Variants in DCTD observed in about 807,000 individuals in gnomAD.
DCTD encodes the protein dCMP deaminase.
Under a neutral mutation model 21.0 loss-of-function variants are expected in DCTD, and 23 were observed. That is an observed-to-expected ratio of 1.09 (90% CI 0.79 to 1.55). The LOEUF (loss-of-function observed/expected upper bound fraction) is 1.55. Among genes scored for constraint, DCTD ranks in the 40% most tolerant of loss-of-function variants. DCTD has a pLI of 0.00. For synonymous variants in DCTD, 71 were observed against 81.1 expected (o/e 0.88, Z 0.67); for missense variants, 224 against 230.0 (o/e 0.97, Z 0.17).
chr4:182,916,270 T>A (rs1015830089), intron 1 of DCTD: 58 of 579,350 alleles, frequency 1.0e-4, no homozygotes, highest in Middle Eastern at 8.5e-4. Flanking sequence ...AGCAAGGTTT[T>A]TGGAACGTAG....
At chr4:182,916,788 T>C (rs1738819477) in intron 1 of DCTD, 2 of 1,126,312 alleles carry the variant, frequency 1.8e-6, no homozygotes, top group Admixed American at 3.6e-5. Flanking sequence ...AAGGGTCCTG[T>C]TAATCCCCTG....
At chr4:182,911,549 A>T (rs931947415) in intron 3 of DCTD, 3 of 152,222 alleles carry the variant, frequency 2.0e-5, no homozygotes, top group African/African-American at 7.2e-5. Context: ...GTACAGCTGA[A>T]TTCATGTGCC....
chr4:182,902,645 T>C (rs1735945532), intron 3 of DCTD, among the ~76,000 whole-genome samples: 1 of 152,188 alleles, frequency 6.6e-6, no homozygotes, highest in African/African-American at 2.4e-5. Context: ...AATAAAACAG[T>C]TTAAAACTTT....
chr4:182,905,389 C>T (rs1290392014), intron 3 of DCTD, among the ~76,000 whole-genome samples: 1 of 147,306 alleles, frequency 6.8e-6, no homozygotes, highest in African/African-American at 2.5e-5. Flanking sequence ...AGTGCAATGG[C>T]GCGATCTCGG....
intron 3 of DCTD, 98 bp downstream of exon 3, chr4:182,914,825 G>T: frequency 7.2e-7 from 1 of 1,381,284 alleles, no homozygotes; most frequent in Non-Finnish European, 1.0e-6. Flanking sequence ...TCCAGTTGTT[G>T]ATGACAAAAG....
At chr4:182,898,659 C>T (rs1044960192) in intron 3 of DCTD, among the ~76,000 whole-genome samples, 3 of 152,138 alleles carry the variant, frequency 2.0e-5, no homozygotes, top group African/African-American at 4.8e-5. Flanking sequence ...TCTCTCTGCT[C>T]GTTTTTCTTC....
At chr4:182,895,302 CG>C (rs1734545374) in intron 3 of DCTD, among the ~76,000 whole-genome samples, 2 of 152,108 alleles carry the variant, frequency 1.3e-5, no homozygotes, top group Non-Finnish European at 2.9e-5. Flanking sequence ...AAATCCTGGC[CG>C]TAAGTGATCT....
At position 182,896,610 on chromosome 4, in the gene DCTD, G is replaced by GC. The variant is rs1425735910; in HGVS notation, c.245-2006dup. Among the ~76,000 whole-genome samples, 6 of 152,270 alleles carry GC rather than the reference G, an allele frequency of 3.9e-5. No homozygotes were observed. In the East Asian group the frequency reaches 9.7e-4, roughly 25 times the overall value. ...GGAAAGACAAGAGAAGGGTGCGAGG[G>GC]CCCGGGCTTGGGAAGGCACAAGGTA... On this transcript the variant is annotated intron_variant, in intron 3 of 5. Coordinates refer to ENST00000438320, the MANE Select transcript of DCTD (RefSeq NM_001921.3).
intron 3 of DCTD, among the ~76,000 whole-genome samples, chr4:182,896,528 CAGAGCCATGCCCCG>C (rs1362209823): frequency 6.6e-6 from 1 of 152,188 alleles, no homozygotes; most frequent in East Asian, 1.9e-4. Context: ...CCAGAGTGAC[CAGAGCCATGCCCCG>C]AGACTTGCAG....
Position 182,915,508 on chromosome 4 carries a change from C to G in DCTD, c.61G>C (p.Ala21Pro). Reference sequence around the variant, plus strand: ...CTCTGTGCTGATAAGAAGGCCACAGCCATAAAATACTCTGGCCATTCCAAA... The same window carrying G: ...CTCTGTGCTGATAAGAAGGCCACAGGCATAAAATACTCTGGCCATTCCAAA... The part of the protein sequence containing the change: ...DYLEWPEYFM[A>P]VAFLSAQRSK... The change falls in exon 2 of 6, where the codon GCT becomes CCT. Residue 21 changes from alanine to proline, a missense_variant. Physicochemically the swap from Ala to Pro is conservative, Grantham distance 27. Coordinates refer to ENST00000438320, the MANE Select transcript of DCTD (RefSeq NM_001921.3). 1 of 1,613,820 alleles carries G rather than the reference C, an allele frequency of 6.2e-7. No homozygotes were observed. Among genetic ancestry groups the G allele is most frequent in the Non-Finnish European group, 8.5e-7 (1 of 1,179,700 alleles).
intron 4 of DCTD, among the ~76,000 whole-genome samples, chr4:182,893,945 G>T (rs1330238628): frequency 6.6e-6 from 1 of 152,234 alleles, no homozygotes. Flanking sequence ...CTGAATCTTA[G>T]ATGTGACAGT....
chr4:182,917,201 C>T lies in DCTD; in HGVS notation c.-8+110G>A. The stretch of plus-strand genomic sequence containing the variant: ...GAGGCGCCCCCAGCGTCCGCGGCCC[C>T]AGGCCCCCGCCCGGCAGCCAGCGCC... On this transcript the variant is annotated intron_variant, in intron 1 of 5. Coordinates refer to ENST00000438320, the MANE Select transcript of DCTD (RefSeq NM_001921.3). The surrounding 1 kb of genome is among the most constrained non-coding windows in gnomAD (Gnocchi z 4.9). 1.0e-6 allele frequency: 1 copy of T among 992,910 alleles called. No individual in the cohort carries two copies. The highest frequency in any genetic ancestry group is 1.2e-6 in the Non-Finnish European group (1 of 835,586). The allele number at this position is 992,910 out of a possible 1,614,324, so 61.5% of individuals were successfully genotyped here.
Position 182,915,331 on chromosome 4 carries a change from G to A in DCTD, c.108+130C>T, listed in dbSNP as rs141818398. The A allele has an allele frequency of 1.1e-4, 79 of 737,320 alleles. 2 individuals are homozygous for A. The highest frequency in any genetic ancestry group is 8.7e-4 in the African/African-American group (50 of 57,426). 45.7% of individuals were successfully genotyped at this position (737,320 alleles called of 1,614,324 possible). On this transcript the variant is annotated intron_variant, in intron 2 of 5. Transcript: ENST00000438320. ...CAGGAAGAACTAAGCTTGTAGAAAC[G>A]CAGCACAAAAGGCAGACCGACCCTG... is the stretch of plus-strand genomic sequence containing the variant.
intron 3 of DCTD, among the ~76,000 whole-genome samples, chr4:182,900,597 GTA>G (rs951999945): frequency 1.2e-4 from 16 of 136,780 alleles, no homozygotes; most frequent in Non-Finnish European, 2.6e-4. Flanking sequence ...AGTCTAAATT[GTA>G]AAAAAAAAAA....
chr4:182,898,836 C>G (rs1183797396), intron 3 of DCTD, among the ~76,000 whole-genome samples: 1 of 152,126 alleles, frequency 6.6e-6, no homozygotes, highest in Non-Finnish European at 1.5e-5. Context: ...ACATAATCCC[C>G]AGTTTTCTCT....
At chr4:182,899,723 TC>T (rs1735394590) in intron 3 of DCTD, among the ~76,000 whole-genome samples, 2 of 151,864 alleles carry the variant, frequency 1.3e-5, no homozygotes, top group African/African-American at 4.8e-5. Context: ...TAAGAATCCA[TC>T]TGTTCATAGA....
In DCTD at chr4:182,891,495, A is replaced by G. The variant is rs1160372977; in HGVS notation, c.459-18T>C. On this transcript the variant is annotated intron_variant, in intron 5 of 5. Coordinates refer to ENST00000438320, the MANE Select transcript of DCTD (RefSeq NM_001921.3). ...TGAATTTCCTAAAAATAAAAACAAA[A>G]TACAATTATTATCTGGTGAGTAGTG... The G allele has an allele frequency of 3.2e-6, 5 of 1,549,048 alleles. No homozygotes were observed.
intron 3 of DCTD, among the ~76,000 whole-genome samples, chr4:182,904,263 C>A (rs1736261040): frequency 6.6e-6 from 1 of 152,172 alleles, no homozygotes; most frequent in African/African-American, 2.4e-5. Flanking sequence ...TCCCTATGGG[C>A]TAAGGGCACA....
Position 182,905,559 on chromosome 4 carries a change from C to T in DCTD, c.244+9364G>A, listed in dbSNP as rs1157616338. ...GGCCAGGATGGTCTCGATCTCTTGA[C>T]CTCATGATCTCCCCGCCTCGGCCTC... On this transcript the variant is annotated intron_variant, in intron 3 of 5. Transcript: ENST00000438320. 2.6e-5 allele frequency among the ~76,000 whole-genome samples: 4 copies of T among 152,032 alleles called. No individual in the cohort carries two copies. In the South Asian group the frequency reaches 6.2e-4, roughly 24 times the overall value.
Sources: gnomAD v4.1 joint callset for allele counts (sites outside exome capture counted in the v4.1 genomes callset) on GRCh38, gnomAD v4.1.1 for gene constraint, Gnocchi (gnomAD v3.1) non-coding constraint, MANE v1.5 for transcripts, NCBI Gene and HGNC (gene_info 2026-07-23, HGNC 2026-07-21) for gene names.